UGT1A8: variants seen among roughly 807,000 people sequenced by gnomAD.
UGT1A8 encodes UDP glucuronosyltransferase family 1 member A8.
UGT1A8 carries 39 observed loss-of-function variants against 45.3 expected under a neutral mutation model. That is an observed-to-expected ratio of 0.86 (90% confidence interval 0.67 to 1.12). The LOEUF is 1.12. Among genes scored for constraint, UGT1A8 ranks in the 50% most tolerant of loss-of-function variants. The pLI, the probability that UGT1A8 is intolerant of heterozygous loss-of-function variation, is 0.00. For missense variants in UGT1A8, 719 were observed against 664.9 expected (o/e 1.08, Z -0.90); for synonymous variants, 275 against 249.2 (o/e 1.10, Z -0.97).
intron 1 of UGT1A8, among the ~76,000 whole-genome samples, chr2:233,650,033 C>A (rs28969990): frequency 6.6e-6 from 1 of 152,100 alleles, no homozygotes; most frequent in Non-Finnish European, 1.5e-5. Context: ...TGCAATGGTG[C>A]GATCTTGGCT....
chr2:233,716,897 A>C lies in UGT1A8; in HGVS notation c.856-50137A>C, dbSNP rs1240550943. ...ATCTGTGCAGCCCAGACCCCTCCTCATCTCCAGACCCTGGAAGCTGATGCC... is the reference window on the plus strand; with the variant it reads ...ATCTGTGCAGCCCAGACCCCTCCTCCTCTCCAGACCCTGGAAGCTGATGCC... On this transcript the variant is annotated intron_variant, in intron 1 of 4. Transcript: ENST00000373450. 3.3e-5 allele frequency among the ~76,000 whole-genome samples: 5 copies of C among 151,990 alleles called. No individual in the cohort carries two copies. The East Asian group carries it at 9.6e-4, about 29-fold the overall frequency.
chr2:233,743,051 C>T, intron 1 of UGT1A8: 1 of 319,368 alleles, frequency 3.1e-6, no homozygotes, highest in Non-Finnish European at 6.1e-6. Context: ...CGTGTAGTCC[C>T]AACGATAAGA....
chr2:233,696,103 A>G (rs2075324442), intron 1 of UGT1A8, among the ~76,000 whole-genome samples: 1 of 152,246 alleles, frequency 6.6e-6, no homozygotes, highest in South Asian at 2.1e-4. Flanking sequence ...AAAACAAAAC[A>G]AAACAAAAAG....
At chr2:233,656,040 C>T (rs927655543) in intron 1 of UGT1A8, among the ~76,000 whole-genome samples, 3 of 152,080 alleles carry the variant, frequency 2.0e-5, no homozygotes, top group African/African-American at 7.2e-5. Context: ...ATACCAGAGA[C>T]AGGCCCTTGA....
chr2:233,713,639 C>A (rs772966162), intron 1 of UGT1A8: 2 of 1,613,978 alleles, frequency 1.2e-6, no homozygotes, highest in African/African-American at 2.7e-5. Flanking sequence ...ACATGCTCTA[C>A]CCTCTGGCCC....
At chr2:233,752,688 T>G (rs143415003) in intron 1 of UGT1A8, 1 of 152,282 alleles carries the variant, frequency 6.6e-6, no homozygotes, top group Non-Finnish European at 1.5e-5. Flanking sequence ...GAAATTCATG[T>G]TTACTAGTGG....
Position 233,760,881 on chromosome 2 carries a change from C to T in UGT1A8, c.856-6153C>T, listed in dbSNP as rs199675631. ...TCTCCTACGTGCCCAGGCCTCTCTC[C>T]TCTCATTCAGATCACATGACCTTCC... On this transcript the variant is annotated intron_variant, in intron 1 of 4. Transcript: ENST00000373450. The T allele has an allele frequency of 3.1e-6, 5 of 1,614,198 alleles. No homozygotes were observed. The South Asian group carries it at 4.4e-5, about 14-fold the overall frequency.
rs17868341 is a variant in UGT1A8 at position 233,761,240 on chromosome 2, C to T, written c.856-5794C>T. ...TAACTAGCCCCAGATATATGCTGAG[C>T]AAGCATTCTGAGATAATTTAAAATG... is the stretch of plus-strand genomic sequence containing the variant. On this transcript the variant is annotated intron_variant, in intron 1 of 4. Coordinates refer to ENST00000373450, the MANE Select transcript of UGT1A8 (RefSeq NM_019076.5). 0.052 allele frequency: 84,282 copies of T among 1,611,682 alleles called. 2,670 individuals carry two copies. The highest frequency in any genetic ancestry group is 0.063 in the Non-Finnish European group (74,222 of 1,178,902).
intron 1 of UGT1A8, chr2:233,691,770 C>T (rs2075056418): frequency 5.4e-6 from 2 of 366,996 alleles, no homozygotes; most frequent in African/African-American, 2.2e-5. Context: ...CTCTAGGATT[C>T]TCACCACGTA....
chr2:233,635,798 G>A (rs942495653), intron 1 of UGT1A8, among the ~76,000 whole-genome samples: 13 of 150,928 alleles, frequency 8.6e-5, no homozygotes, highest in African/African-American at 2.7e-4. Flanking sequence ...TCACAGAGAG[G>A]CAGCCCAGCA....
intron 1 of UGT1A8, among the ~76,000 whole-genome samples, chr2:233,733,221 G>T (rs531413389): frequency 2.6e-5 from 4 of 152,188 alleles, no homozygotes; most frequent in African/African-American, 2.4e-5. Flanking sequence ...GAGACAATGG[G>T]GTTTTCTAAA....
intron 1 of UGT1A8, among the ~76,000 whole-genome samples, chr2:233,650,568 A>G (rs1211660501): frequency 3.9e-5 from 6 of 152,218 alleles, no homozygotes; most frequent in Admixed American, 3.9e-4. Context: ...CCTTCTTAAA[A>G]GGAATTACTC....
At chr2:233,664,175 T>G (rs940360712) in intron 1 of UGT1A8, among the ~76,000 whole-genome samples, 1 of 152,158 alleles carries the variant, frequency 6.6e-6, no homozygotes. Context: ...TGAGACCTCA[T>G]TAGCCTGGCC....
intron 1 of UGT1A8, among the ~76,000 whole-genome samples, chr2:233,653,575 T>G (rs1215383979): frequency 1.3e-5 from 2 of 152,194 alleles, no homozygotes; most frequent in African/African-American, 4.8e-5. Flanking sequence ...TTGCTTAAAG[T>G]GCCCAAGTCT....
chr2:233,652,384 A>G (rs1373692136), intron 1 of UGT1A8, among the ~76,000 whole-genome samples: 1 of 152,222 alleles, frequency 6.6e-6, no homozygotes, highest in Non-Finnish European at 1.5e-5. Context: ...TGATTCATGT[A>G]TCTGCTCTTT....
intron 1 of UGT1A8, among the ~76,000 whole-genome samples, chr2:233,686,098 G>C (rs1186571465): frequency 6.6e-6 from 1 of 152,126 alleles, no homozygotes; most frequent in African/African-American, 2.4e-5. Flanking sequence ...CCAAGTCCAA[G>C]AGAATGAAGT....
At chr2:233,619,477 T>C (rs1159584601) in intron 1 of UGT1A8, among the ~76,000 whole-genome samples, 2 of 152,186 alleles carry the variant, frequency 1.3e-5, no homozygotes, top group Non-Finnish European at 2.9e-5. Flanking sequence ...CATGTAGGGT[T>C]AGAGGGTTTT....
rs1464926221 is a variant in UGT1A8, at chr2:233,757,539, T to A, written c.856-9495T>A. ...GCCAAAATCTTGCCTGTAAGGAATA[T>A]ATATATATATATATATATATATGTA... On this transcript the variant is annotated intron_variant, in intron 1 of 4. Coordinates refer to ENST00000373450, the MANE Select transcript of UGT1A8 (RefSeq NM_019076.5). 4.5e-4 allele frequency among the ~76,000 whole-genome samples: 52 copies of A among 115,728 alleles called. 1 individual carries two copies. Among genetic ancestry groups the A allele is most frequent in the African/African-American group, 1.8e-3 (48 of 26,632 alleles). 75.9% of individuals were successfully genotyped at this position (115,728 alleles called of 152,430 possible). A position where few individuals can be genotyped will look rare whatever the true frequency, so the allele number is the denominator to read the frequency against.
intron 1 of UGT1A8, among the ~76,000 whole-genome samples, chr2:233,632,598 T>C (rs1361212245): frequency 6.6e-6 from 1 of 152,190 alleles, no homozygotes; most frequent in Non-Finnish European, 1.5e-5. Context: ...TTTGTAGCAA[T>C]TGTGAATGGG....
Sources: allele counts gnomAD v4.1 joint callset (sites outside exome capture counted in the v4.1 genomes callset), GRCh38; gene constraint gnomAD v4.1.1; transcripts MANE v1.5; gene names NCBI Gene and HGNC (gene_info 2026-07-23, HGNC 2026-07-21).